PHF14: variants seen among roughly 807,000 people sequenced by gnomAD.
PHF14 encodes the protein PHD finger protein 14.
In PHF14, 55 loss-of-function variants were observed where a neutral mutation model predicts 117.9. That is an observed-to-expected ratio of 0.47 (90% CI 0.38 to 0.58). The LOEUF (loss-of-function observed/expected upper bound fraction) is 0.58. Among genes scored for constraint, PHF14 ranks in the 20% least tolerant of loss-of-function variants. The pLI is 0.00. For missense variants in PHF14, 978 were observed against 1,122.2 expected (o/e 0.87, Z 1.84); for synonymous variants, 409 against 368.6 (o/e 1.11, Z -1.26).
chr7:11,107,245 A>T, intron 16 of PHF14: 4 of 981,136 alleles, frequency 4.1e-6, no homozygotes, highest in Non-Finnish European at 4.8e-6. Flanking sequence ...ATTGCTTGTT[A>T]TATGGATCAT....
chr7:11,083,567 TCTC>T (rs1379262986), intron 16 of PHF14, among the ~76,000 whole-genome samples: 7 of 150,072 alleles, frequency 4.7e-5, no homozygotes, highest in Admixed American at 2.0e-4. Context: ...TTCAAGCAGT[TCTC>T]CTGCCTCAGC....
At chr7:11,047,347 G>A (rs189906707) in intron 13 of PHF14, among the ~76,000 whole-genome samples, 6 of 152,082 alleles carry the variant, frequency 3.9e-5, no homozygotes, top group Non-Finnish European at 5.9e-5. Context: ...GATTACAGGC[G>A]TGAGCTACTG....
intron 16 of PHF14, chr7:11,111,093 A>G (rs1787429267): frequency 5.9e-6 from 2 of 339,776 alleles, no homozygotes; most frequent in Non-Finnish European, 1.1e-5. Flanking sequence ...TGCTCTTAAT[A>G]TTTCTACTGT....
Position 11,038,260 on chromosome 7 carries a change from G to A in PHF14, c.1981-500G>A, listed in dbSNP as rs112675549. ...AGCCTGGCCAACATGGCAAAACCCC[G>A]TCTCTACTAAAAATACAAAAGTTAG... On this transcript the variant is annotated intron_variant, in intron 10 of 17. Coordinates refer to ENST00000634607, the MANE Select transcript of PHF14 (RefSeq NM_001007157.2). Among the ~76,000 whole-genome samples, 185 of 151,856 alleles carry A rather than the reference G, an allele frequency of 1.2e-3. 1 individual carries two copies. The highest frequency in any genetic ancestry group is 4.4e-3 in the African/African-American group (182 of 41,426).
intron 14 of PHF14, among the ~76,000 whole-genome samples, chr7:11,052,810 C>T (rs144188653): frequency 1.3e-5 from 2 of 151,914 alleles, no homozygotes; most frequent in African/African-American, 2.4e-5. Context: ...GGGTGTTTAC[C>T]TTTTTCTCAT....
intron 13 of PHF14, among the ~76,000 whole-genome samples, chr7:11,046,224 C>G (rs1784658213): frequency 6.6e-6 from 1 of 152,110 alleles, no homozygotes; most frequent in African/African-American, 2.4e-5. Flanking sequence ...GCCTTAAATT[C>G]TAAGACACAT....
intron 3 of PHF14, among the ~76,000 whole-genome samples, chr7:10,986,586 A>C (rs181119246): frequency 3.8e-4 from 58 of 152,364 alleles, no homozygotes; most frequent in African/African-American, 1.3e-3. Flanking sequence ...ATTTTCCGCA[A>C]ACGGACACCT....
In PHF14 at chr7:10,982,681, C is replaced by G. The variant is rs1271187827; in HGVS notation, c.422C>G (p.Ser141Cys). 4 of 1,597,418 alleles carry G rather than the reference C, an allele frequency of 2.5e-6. No homozygotes were observed. The highest frequency in any genetic ancestry group is 3.5e-5 in the Admixed American group (2 of 56,484). ...AAGGAAAAAGAAAAAGCAACAGTAT[C>G]TGAGAATGTGGCTGCTTCTGCTGCT... is the stretch of plus-strand genomic sequence containing the variant. ...REKEKEKATV[S>C]ENVAASAAAT... Residue 141 changes from serine (S) to cysteine (C), a missense_variant, in exon 3 of 18, where the codon TCT (serine) becomes TGT (cysteine). This residue lies in a region of PHF14 where 414 missense variants were observed against 376.4 expected (regional missense o/e 1.10). Transcript: ENST00000634607.
At chr7:11,023,028 G>A (rs1293207170) in intron 6 of PHF14, 49 bp downstream of exon 6, 3 of 1,014,964 alleles carry the variant, frequency 3.0e-6, no homozygotes, top group Middle Eastern at 2.1e-4. Flanking sequence ...GGTTTTACTT[G>A]TTAGTTTACC....
chr7:10,986,836 C>T (rs188042452), intron 3 of PHF14, among the ~76,000 whole-genome samples: 2 of 152,108 alleles, frequency 1.3e-5, no homozygotes. Flanking sequence ...AATCCATGAC[C>T]GTAAATTATA....
In PHF14 at chr7:10,982,744, C is replaced by T; in HGVS notation, c.485C>T (p.Thr162Ile). The change falls in exon 3 of 18, where the codon ACA (threonine) becomes ATA (isoleucine). Residue 162 changes from threonine to isoleucine, a missense_variant. By Grantham distance (89) the Thr-to-Ile change is moderately conservative. This residue lies in a region of PHF14 where 414 missense variants were observed against 376.4 expected (regional missense o/e 1.10). Coordinates refer to ENST00000634607, the MANE Select transcript of PHF14 (RefSeq NM_001007157.2). ...GCCACAAGTCCTCCTGCTGTTAACA[C>T]ATCCCCTTCTGTTCCCACTACGACA... ...TPATSPPAVN[T>I]SPSVPTTTTA... The T allele has an allele frequency of 1.2e-6, 2 of 1,613,780 alleles. No homozygotes were observed. Among genetic ancestry groups the T allele is most frequent in the Non-Finnish European group, 1.7e-6 (2 of 1,179,800 alleles).
chr7:11,129,907 A>G (rs888818988), intron 17 of PHF14, among the ~76,000 whole-genome samples: 1 of 152,066 alleles, frequency 6.6e-6, no homozygotes, highest in Admixed American at 6.6e-5. Context: ...GCACCAAGCA[A>G]AAAGAGATTG....
rs774069740 is a variant in PHF14, at chr7:11,013,924, G to A, written c.1205+18G>A. On this transcript the variant is annotated intron_variant, in intron 5 of 17. Transcript: ENST00000634607. ...GCTGGAAGGTTAATGTCCTAATTAT[G>A]TTGGTTCATATGTTTGCTTTATAAT... 3 of 1,562,828 alleles carry A rather than the reference G, an allele frequency of 1.9e-6. No homozygotes were observed. In the East Asian group the frequency reaches 6.8e-5, roughly 36 times the overall value.
chr7:11,036,244 G>T (rs926305740), intron 8 of PHF14, among the ~76,000 whole-genome samples, 174 bp from the exon 9 acceptor site: 4 of 152,104 alleles, frequency 2.6e-5, no homozygotes, highest in African/African-American at 4.8e-5. Context: ...ATAGTTTATT[G>T]TAACTCAAAA....
In PHF14 at chr7:10,982,311, T is replaced by C. The variant is rs1583325576; in HGVS notation, c.113-61T>C. The C allele has an allele frequency of 7.6e-6, 8 of 1,049,134 alleles. No individual in the cohort carries two copies. In the East Asian group the frequency reaches 1.8e-4, roughly 24 times the overall value. The allele number at this position is 1,049,134 out of a possible 1,614,324, so 65.0% of individuals were successfully genotyped here. A position where few individuals can be genotyped will look rare whatever the true frequency, so the allele number is the denominator to read the frequency against. On this transcript the variant is annotated intron_variant, in intron 2 of 17. Coordinates refer to ENST00000634607, the MANE Select transcript of PHF14 (RefSeq NM_001007157.2). ...GGTGGTTTCATTTGTGTCAGCGTTG[T>C]GTGTGTGTGTGTGTATGTATATACA...
chr7:11,116,712 G>A (rs1787611677), intron 17 of PHF14, among the ~76,000 whole-genome samples: 1 of 151,796 alleles, frequency 6.6e-6, no homozygotes, highest in Non-Finnish European at 1.5e-5. Flanking sequence ...ACTGACATTT[G>A]TATTTTTTAC....
At chr7:11,100,901 C>T (rs1787063232) in intron 16 of PHF14, among the ~76,000 whole-genome samples, 1 of 151,932 alleles carries the variant, frequency 6.6e-6, no homozygotes. Flanking sequence ...GTAGATACTT[C>T]CTCTTAACAG....
In PHF14 at chr7:11,036,591, C is replaced by T; in HGVS notation, c.1776C>T (p.Ile592=). 1.9e-6 allele frequency: 3 copies of T among 1,613,840 alleles called. No individual in the cohort carries two copies. Among genetic ancestry groups the T allele is most frequent in the Non-Finnish European group, 2.5e-6 (3 of 1,179,774 alleles). The change falls in exon 9 of 18, where the codon ATC becomes ATT. Residue 592 remains isoleucine (I), a synonymous_variant. Coordinates refer to ENST00000634607, the MANE Select transcript of PHF14 (RefSeq NM_001007157.2). ...AACTCATGGGGATCAGTACAGATAT[C>T]TTTCCAGTGGACAATTCAGATACTA... is the stretch of plus-strand genomic sequence containing the variant. ...KAELMGISTD[I]FPVDNSDTSS...
chr7:11,122,242 T>A (rs546166822), intron 17 of PHF14, among the ~76,000 whole-genome samples: 12 of 149,876 alleles, frequency 8.0e-5, no homozygotes, highest in African/African-American at 3.0e-4. Flanking sequence ...GAACTTTTTA[T>A]TTACTATTTC....
Sources: gnomAD v4.1 joint callset for allele counts (sites outside exome capture counted in the v4.1 genomes callset) on GRCh38, gnomAD v4.1.1 for gene constraint, gnomAD v4.1.1 regional missense constraint, MANE v1.5 for transcripts, NCBI Gene and HGNC (gene_info 2026-07-23, HGNC 2026-07-21) for gene names.